The following ITPR2 variants were observed in gnomAD, a reference collection of about 807,000 sequenced individuals.
ITPR2 encodes inositol 1,4,5-trisphosphate receptor type 2, also known as inositol 1,4,5-trisphosphate-gated calcium channel ITPR2.
In ITPR2, 207 loss-of-function variants were observed where a neutral mutation model predicts 317.1. The observed-to-expected ratio is 0.65, with a 90% CI of 0.58 to 0.73. ITPR2 has a LOEUF of 0.73. ITPR2 is among the 30% of genes least tolerant of loss of function. The probability of loss-of-function intolerance (pLI) is 0.00; values close to 1 mark genes in which losing one functional copy is unlikely to be tolerated. For missense variants in ITPR2, 2,613 were observed against 3,284.0 expected (o/e 0.80, Z 4.99); for synonymous variants, 1,156 against 1,149.1 (o/e 1.01, Z -0.12).
At position 26,651,063 on chromosome 12, in the gene ITPR2, T is replaced by C. The variant is rs538644650; in HGVS notation, c.2740+2913A>G. On this transcript the variant is annotated intron_variant, in intron 21 of 56. Coordinates refer to ENST00000381340, the MANE Select transcript of ITPR2 (RefSeq NM_002223.4). Reference sequence around the variant, plus strand: ...TCTCTTTCTGAATGTATACTATATATAATCATCTTATTATGCTCTTAGAGA... The same window carrying C: ...TCTCTTTCTGAATGTATACTATATACAATCATCTTATTATGCTCTTAGAGA... Among the ~76,000 whole-genome samples, 3 of 152,334 alleles carry C rather than the reference T, an allele frequency of 2.0e-5. No homozygotes were observed. In the South Asian group the frequency reaches 6.2e-4, roughly 32 times the overall value.
In ITPR2 at chr12:26,428,099, T is replaced by C; in HGVS notation, c.6770-11A>G. On this transcript the variant is annotated splice_polypyrimidine_tract_variant and intron_variant, in intron 48 of 56. Coordinates refer to ENST00000381340, the MANE Select transcript of ITPR2 (RefSeq NM_002223.4). Reference sequence around the variant, plus strand: ...ATGGAGAAAGTGTACCTGTAAAATGTGGAAGAAATTTATTGCTACTAAGAA... The same window carrying C: ...ATGGAGAAAGTGTACCTGTAAAATGCGGAAGAAATTTATTGCTACTAAGAA... 2 of 1,569,324 alleles carry C rather than the reference T, an allele frequency of 1.3e-6. No individual in the cohort carries two copies. The highest frequency in any genetic ancestry group is 1.4e-5 in the African/African-American group (1 of 72,340).
intron 26 of ITPR2, among the ~76,000 whole-genome samples, chr12:26,612,864 T>A (rs547528672): frequency 3.9e-5 from 6 of 152,326 alleles, no homozygotes; most frequent in Admixed American, 2.6e-4. Flanking sequence ...ATTCTTGAAC[T>A]TTACTTCTCT....
At chr12:26,682,363 ATC>A (rs1948050676) in intron 12 of ITPR2, among the ~76,000 whole-genome samples, 1 of 152,192 alleles carries the variant, frequency 6.6e-6, no homozygotes, top group Non-Finnish European at 1.5e-5. Flanking sequence ...TCTCTGTAGC[ATC>A]CTTCTGAATC....
chr12:26,522,461 G>A (rs995507303), intron 37 of ITPR2, among the ~76,000 whole-genome samples: 1 of 152,102 alleles, frequency 6.6e-6, no homozygotes, highest in Non-Finnish European at 1.5e-5. Context: ...CCAGTTTGTG[G>A]GTCAGTGTTT....
intron 37 of ITPR2, among the ~76,000 whole-genome samples, chr12:26,539,217 C>T (rs997979144): frequency 2.0e-5 from 3 of 152,170 alleles, no homozygotes; most frequent in Non-Finnish European, 4.4e-5. Context: ...TCCTCTCAAC[C>T]GTAACACCAT....
intron 2 of ITPR2, among the ~76,000 whole-genome samples, chr12:26,738,458 G>A (rs1949168898): frequency 6.6e-6 from 1 of 152,062 alleles, no homozygotes; most frequent in African/African-American, 2.4e-5. Flanking sequence ...TGAAAGCAAT[G>A]GTGGTGGTGT....
chr12:26,772,600 T>C (rs1048459324), intron 2 of ITPR2, among the ~76,000 whole-genome samples: 1 of 134,252 alleles, frequency 7.4e-6, no homozygotes, highest in African/African-American at 2.6e-5. Flanking sequence ...CATTAGATTA[T>C]AAATTCCTTG....
chr12:26,396,089 A>G (rs1300094786), intron 54 of ITPR2, among the ~76,000 whole-genome samples: 1 of 152,226 alleles, frequency 6.6e-6, no homozygotes, highest in Non-Finnish European at 1.5e-5. Flanking sequence ...AGAAAGAATC[A>G]TCCTTGGAAA....
intron 54 of ITPR2, among the ~76,000 whole-genome samples, chr12:26,392,502 A>C (rs1370371760): frequency 6.6e-6 from 1 of 152,146 alleles, no homozygotes; most frequent in Admixed American, 6.6e-5. Context: ...CACTATGAAA[A>C]TGTGCCTGTT....
At chr12:26,817,500 G>A (rs1287106287) in intron 1 of ITPR2, among the ~76,000 whole-genome samples, 2 of 152,136 alleles carry the variant, frequency 1.3e-5, no homozygotes, top group Admixed American at 1.3e-4. Flanking sequence ...CCCCACTACA[G>A]CTGTTTGGTG....
chr12:26,617,344 A>G (rs571304327), intron 26 of ITPR2, among the ~76,000 whole-genome samples: 1 of 152,256 alleles, frequency 6.6e-6, no homozygotes, highest in Non-Finnish European at 1.5e-5. Flanking sequence ...ATATATGGCT[A>G]GAAAAATGCA....
chr12:26,382,524 G>A (rs1015553189), intron 55 of ITPR2, among the ~76,000 whole-genome samples: 1 of 152,120 alleles, frequency 6.6e-6, no homozygotes, highest in Non-Finnish European at 1.5e-5. Flanking sequence ...AATTAGCAAG[G>A]TGTGGTGGTG....
intron 21 of ITPR2, among the ~76,000 whole-genome samples, chr12:26,644,406 C>CA: frequency 6.6e-6 from 1 of 152,258 alleles, no homozygotes; most frequent in Middle Eastern, 3.4e-3. Context: ...GAAGCAGGCT[C>CA]TCACCAGACA....
chr12:26,811,848 C>G (rs189337147), intron 1 of ITPR2, among the ~76,000 whole-genome samples: 1,412 of 129,034 alleles, frequency 0.011, 19 homozygotes, highest in African/African-American at 0.038. Context: ...AGCAAGACTC[C>G]GTCTGAAAAA....
chr12:26,700,304 A>G (rs948977814), intron 9 of ITPR2, among the ~76,000 whole-genome samples: 5 of 152,246 alleles, frequency 3.3e-5, no homozygotes, highest in African/African-American at 1.2e-4. Context: ...CAGGGAGTGA[A>G]GAAGGCAGCA....
intron 37 of ITPR2, among the ~76,000 whole-genome samples, chr12:26,528,019 A>G (rs1325977444): frequency 6.6e-6 from 1 of 152,102 alleles, no homozygotes; most frequent in Non-Finnish European, 1.5e-5. Context: ...AGTCCTCCCC[A>G]AGTTCTGCCT....
Position 26,486,878 on chromosome 12 carries a change from T to A in ITPR2, c.5554+190A>T, listed in dbSNP as rs1224461084. On this transcript the variant is annotated intron_variant, in intron 40 of 56. Transcript: ENST00000381340. The stretch of plus-strand genomic sequence containing the variant: ...CGTTGGTTGCTTTGCACTGATTATG[T>A]CTCATTTAAGTTTAGTCCTGCAGAG... 3 of 698,034 alleles carry A rather than the reference T, an allele frequency of 4.3e-6. No individual in the cohort carries two copies. The South Asian group carries it at 4.5e-5, about 10-fold the overall frequency. The allele number at this position is 698,034 out of a possible 1,614,324, so 43.2% of individuals were successfully genotyped here. A position where few individuals can be genotyped will look rare whatever the true frequency, so the allele number is the denominator to read the frequency against.
Position 26,614,188 on chromosome 12 carries a change from C to T in ITPR2, c.3462+6935G>A, listed in dbSNP as rs1164560238. Among the ~76,000 whole-genome samples, 3 of 152,092 alleles carry T rather than the reference C, an allele frequency of 2.0e-5. No individual in the cohort carries two copies. In the East Asian group the frequency reaches 5.8e-4, roughly 29 times the overall value. ...AAGGACAACTCCCAGAGACCCCACC[C>T]TCCATCTTCTAAGGGAAAAATGTAA... On this transcript the variant is annotated intron_variant, in intron 26 of 56. Coordinates refer to ENST00000381340, the MANE Select transcript of ITPR2 (RefSeq NM_002223.4).
chr12:26,735,183 G>A (rs1949098133), intron 2 of ITPR2, among the ~76,000 whole-genome samples: 1 of 152,004 alleles, frequency 6.6e-6, no homozygotes, highest in African/African-American at 2.4e-5. Flanking sequence ...TGTATCTTTA[G>A]TAGAAACGGG....
Sources: gnomAD v4.1 joint callset for allele counts (sites outside exome capture counted in the v4.1 genomes callset) on GRCh38, gnomAD v4.1.1 for gene constraint, MANE v1.5 for transcripts, NCBI Gene and HGNC (gene_info 2026-07-23, HGNC 2026-07-21) for gene names.